Variants in MECOM observed in about 807,000 individuals in gnomAD.
MECOM encodes the protein MDS1 and EVI1 complex locus, also known as histone-lysine N-methyltransferase MECOM.
A neutral mutation model predicts 116.3 loss-of-function variants in MECOM; 13 were observed. That is an observed-to-expected ratio of 0.11 (90% CI 0.07 to 0.18). The LOEUF (loss-of-function observed/expected upper bound fraction) is 0.18. Among genes scored for constraint, MECOM ranks in the 10% least tolerant of loss-of-function variants. MECOM has a pLI of 1.00. For synonymous variants in MECOM, 528 were observed against 535.2 expected (o/e 0.99, Z 0.19); for missense variants, 1,299 against 1,509.0 (o/e 0.86, Z 2.31).
chr3:169,515,566 C>T (rs919270941), intron 1 of MECOM, among the ~76,000 whole-genome samples: 7 of 152,038 alleles, frequency 4.6e-5, no homozygotes, highest in African/African-American at 1.4e-4. Context: ...TGGGCCCTAT[C>T]GAAGCTGAGA....
At chr3:169,432,296 T>TTA (rs2108560889) in intron 1 of MECOM, among the ~76,000 whole-genome samples, 1 of 152,088 alleles carries the variant, frequency 6.6e-6, no homozygotes, top group East Asian at 1.9e-4. Flanking sequence ...GTAGCTGGGA[T>TTA]TACAGGGGTG....
chr3:169,101,931 A>G, intron 11 of MECOM, 129 bp downstream of exon 11: 2 of 761,112 alleles, frequency 2.6e-6, no homozygotes, highest in Non-Finnish European at 3.9e-6. Context: ...AACACTTTGA[A>G]GTGCTGGAGA....
chr3:169,365,837 T>C (rs1188786848), intron 2 of MECOM, among the ~76,000 whole-genome samples: 3 of 151,974 alleles, frequency 2.0e-5, no homozygotes, highest in Non-Finnish European at 4.4e-5. Flanking sequence ...AGTGACACTC[T>C]AAAGAGAAAA....
At chr3:169,629,202 T>C (rs1249470622) in intron 1 of MECOM, among the ~76,000 whole-genome samples, 1 of 151,846 alleles carries the variant, frequency 6.6e-6, no homozygotes, top group Non-Finnish European at 1.5e-5. Flanking sequence ...GGTATATTTA[T>C]GATGTTTACA....
chr3:169,195,839 AG>A (rs1748344740), intron 2 of MECOM, among the ~76,000 whole-genome samples: 4 of 152,052 alleles, frequency 2.6e-5, no homozygotes, highest in Non-Finnish European at 5.9e-5. Context: ...CTCTGTCAAG[AG>A]GCAGCCTTCA....
chr3:169,570,127 G>A (rs1402385316), intron 1 of MECOM, among the ~76,000 whole-genome samples: 1 of 151,960 alleles, frequency 6.6e-6, no homozygotes, highest in Non-Finnish European at 1.5e-5. Flanking sequence ...GAATCAAATA[G>A]ACACAATAAA....
intron 1 of MECOM, among the ~76,000 whole-genome samples, chr3:169,572,211 A>G (rs1763987715): frequency 6.6e-6 from 1 of 152,240 alleles, no homozygotes; most frequent in Non-Finnish European, 1.5e-5. Flanking sequence ...AAAAGAAGAC[A>G]TTTATGCAGC....
intron 1 of MECOM, among the ~76,000 whole-genome samples, chr3:169,446,737 A>G (rs1241110087): frequency 1.3e-5 from 2 of 152,180 alleles, no homozygotes; most frequent in Non-Finnish European, 2.9e-5. Context: ...AGTTAAGGAA[A>G]TAAAGACTGA....
At chr3:169,649,409 CAAAAA>C (rs71634436) in intron 1 of MECOM, among the ~76,000 whole-genome samples, 5 of 74,450 alleles carry the variant, frequency 6.7e-5, no homozygotes, top group Admixed American at 3.7e-4. Context: ...AACTCCATCT[CAAAAA>C]AAAAAAAAAA....
At chr3:169,455,383 G>A (rs1292282772) in intron 1 of MECOM, among the ~76,000 whole-genome samples, 1 of 152,142 alleles carries the variant, frequency 6.6e-6, no homozygotes, top group Non-Finnish European at 1.5e-5. Context: ...CCACCTTTGG[G>A]GAAAAGTGTA....
chr3:169,624,307 G>A (rs747685258), intron 1 of MECOM, among the ~76,000 whole-genome samples: 1 of 152,192 alleles, frequency 6.6e-6, no homozygotes, highest in Non-Finnish European at 1.5e-5. Context: ...ACCAGCACTG[G>A]CTTTTATGTA....
chr3:169,389,876 C>T (rs1577955457), intron 1 of MECOM, among the ~76,000 whole-genome samples: 1 of 152,140 alleles, frequency 6.6e-6, no homozygotes, highest in African/African-American at 2.4e-5. Context: ...TGACGGAACA[C>T]ATTAGTTTAG....
chr3:169,625,348 C>T (rs928282721), intron 1 of MECOM, among the ~76,000 whole-genome samples: 2 of 152,078 alleles, frequency 1.3e-5, no homozygotes, highest in Non-Finnish European at 2.9e-5. Context: ...CTATTTAGCT[C>T]CCTCTTCTCA....
chr3:169,141,733 G>A (rs913862688), intron 3 of MECOM, among the ~76,000 whole-genome samples: 8 of 151,902 alleles, frequency 5.3e-5, no homozygotes, highest in Admixed American at 5.3e-4. Context: ...ACATCTACAC[G>A]TATCATACAA....
At chr3:169,659,960 G>A (rs1463734869) in intron 1 of MECOM, among the ~76,000 whole-genome samples, 3 of 152,084 alleles carry the variant, frequency 2.0e-5, no homozygotes, top group Non-Finnish European at 4.4e-5. Context: ...GAGACTTTAC[G>A]AGACTTCTGG....
intron 2 of MECOM, among the ~76,000 whole-genome samples, chr3:169,247,700 T>G (rs1755767919): frequency 6.6e-6 from 1 of 152,230 alleles, no homozygotes; most frequent in Non-Finnish European, 1.5e-5. Context: ...TTATAGCAAT[T>G]TAGACAATAA....
intron 1 of MECOM, chr3:169,477,172 C>T (rs1750628538): frequency 1.6e-5 from 2 of 122,066 alleles, no homozygotes; most frequent in Non-Finnish European, 3.2e-5. Flanking sequence ...ATTTCATTTG[C>T]AATAGGAAGT....
intron 1 of MECOM, among the ~76,000 whole-genome samples, chr3:169,659,440 ATTTTTTTTT>A (rs56270349): frequency 6.0e-4 from 37 of 62,142 alleles, no homozygotes; most frequent in South Asian, 4.0e-3. Context: ...CTAAACACAG[ATTTTTTTTT>A]TTTTTTTTTT....
chr3:169,133,792 T>A (rs1735496724), intron 3 of MECOM: 5 of 458,494 alleles, frequency 1.1e-5, no homozygotes. Context: ...AATAAAATAA[T>A]GTGTGAGTTT....
Sources: allele counts gnomAD v4.1 joint callset (sites outside exome capture counted in the v4.1 genomes callset), GRCh38; gene constraint gnomAD v4.1.1; transcripts MANE v1.5; gene names NCBI Gene and HGNC (gene_info 2026-07-23, HGNC 2026-07-21).